Variants in CNTD1 observed in about 807,000 individuals in gnomAD.
CNTD1 encodes cyclin N-terminal domain-containing protein 1.
In CNTD1, 17 loss-of-function variants were observed where a neutral mutation model predicts 36.3. The ratio of observed to expected loss-of-function variants is 0.47; its 90% CI spans 0.32 to 0.70. The LOEUF is 0.70. Among genes scored for constraint, CNTD1 ranks in the 30% least tolerant of loss-of-function variants. The probability of loss-of-function intolerance (pLI) is 0.03; values close to 1 mark genes in which losing one functional copy is unlikely to be tolerated. For missense variants in CNTD1, 338 were observed against 386.1 expected, an observed-to-expected ratio of 0.88 and a Z score of 1.04; for synonymous variants, 128 against 153.3, an observed-to-expected ratio of 0.83 and a Z score of 1.22.
intron 6 of CNTD1, 73 bp downstream of exon 6, chr17:42,807,937 G>A: frequency 8.6e-7 from 1 of 1,167,586 alleles, no homozygotes; most frequent in Non-Finnish European, 1.3e-6. Context: ...TCAGTTAAAG[G>A]AAAACAGAGG....
intron 3 of CNTD1, 87 bp from the exon 4 acceptor site, chr17:42,805,635 G>T: frequency 8.7e-7 from 1 of 1,150,122 alleles, no homozygotes; most frequent in South Asian, 1.5e-5. Flanking sequence ...GAAGGAATAG[G>T]CTGGATTATG....
intron 1 of CNTD1, among the ~76,000 whole-genome samples, chr17:42,802,303 T>C (rs1195095851): frequency 6.6e-6 from 1 of 152,150 alleles, no homozygotes; most frequent in Non-Finnish European, 1.5e-5. Flanking sequence ...GATCTGAGTA[T>C]GCTTGTTATC....
In CNTD1 at chr17:42,810,728, C is replaced by A; in HGVS notation, c.*1193C>A. 6.4e-7 allele frequency: 1 copy of A among 1,568,480 alleles called. No individual in the cohort carries two copies. Among genetic ancestry groups the A allele is most frequent in the Non-Finnish European group, 8.6e-7 (1 of 1,158,070 alleles). On this transcript the variant is annotated 3_prime_UTR_variant, in exon 7 of 7. Transcript: ENST00000588408. ...TTGCAAACAAAACAAAATTAAAAGC[C>A]TTTAAGGCAAACCTCCCCCTAAGGA...
rs1597922125 is a variant in CNTD1, at chr17:42,809,904, C to G, written c.*369C>G. ...CCTTGACTAAGCATCAAGGAGGTAG[C>G]CTTTATTTCCCCTTAAAATTAGTTT... On this transcript the variant is annotated 3_prime_UTR_variant, in exon 7 of 7. Transcript: ENST00000588408. 1 of 157,928 alleles carries G rather than the reference C, an allele frequency of 6.3e-6. No homozygotes were observed. The highest frequency in any genetic ancestry group is 1.8e-4 in the East Asian group (1 of 5,582). 9.8% of individuals were successfully genotyped at this position (157,928 alleles called of 1,614,324 possible).
Position 42,811,033 on chromosome 17 carries a change from AGAACACT to A in CNTD1, c.*1499_*1505del. On this transcript the variant is annotated 3_prime_UTR_variant, in exon 7 of 7. Coordinates refer to ENST00000588408, the MANE Select transcript of CNTD1 (RefSeq NM_173478.3). The stretch of plus-strand genomic sequence containing the variant: ...CCATTCACGTCATTTTATCTATTAA[AGAACACT>A]TGGTGAGGAATGATAGTGTATTTTG... 8.3e-7 allele frequency: 1 copy of A among 1,201,882 alleles called. No individual in the cohort carries two copies. Among genetic ancestry groups the A allele is most frequent in the Non-Finnish European group, 1.1e-6 (1 of 883,886 alleles). 74.5% of individuals were successfully genotyped at this position (1,201,882 alleles called of 1,614,324 possible). A position where few individuals can be genotyped will look rare whatever the true frequency, so the allele number is the denominator to read the frequency against.
chr17:42,802,093 G>A (rs1366229444), intron 1 of CNTD1, among the ~76,000 whole-genome samples: 1 of 152,184 alleles, frequency 6.6e-6, no homozygotes, highest in Admixed American at 6.5e-5. Flanking sequence ...GAAGCAGTGG[G>A]TGTGTAAGCC....
chr17:42,806,989 C>G (rs897941938), intron 5 of CNTD1, among the ~76,000 whole-genome samples, 171 bp downstream of exon 5: 4 of 152,138 alleles, frequency 2.6e-5, no homozygotes, highest in African/African-American at 7.2e-5. Flanking sequence ...GGTGACTGAG[C>G]CTGGTCAGGA....
In CNTD1 at chr17:42,809,470, C is replaced by T; in HGVS notation, c.928C>T (p.Gln310Ter). Residue 310 changes from glutamine to a stop codon, truncating the protein, a stop_gained, in exon 7 of 7, where the codon CAG becomes TAG. Transcript: ENST00000588408. LOFTEE classifies it high-confidence loss of function. ...HGVGANTPGR[Q>*]QSIPPHLAAR... Reference sequence around the variant, plus strand: ...AGTGGGAGCCAACACTCCGGGGAGACAGCAGTCTATTCCTCCCCACCTGGC... The same window carrying T: ...AGTGGGAGCCAACACTCCGGGGAGATAGCAGTCTATTCCTCCCCACCTGGC... The T allele has an allele frequency of 6.2e-7, 1 of 1,614,148 alleles. No homozygotes were observed. Among genetic ancestry groups the T allele is most frequent in the South Asian group, 1.1e-5 (1 of 91,072 alleles).
intron 6 of CNTD1, among the ~76,000 whole-genome samples, chr17:42,808,665 T>C (rs2054925921): frequency 6.6e-6 from 1 of 151,746 alleles, no homozygotes; most frequent in Admixed American, 6.6e-5. Context: ...GCCCAGGAGT[T>C]GGAGGCTGCA....
Position 42,809,712 on chromosome 17 carries a change from T to C in CNTD1, c.*177T>C. On this transcript the variant is annotated 3_prime_UTR_variant, in exon 7 of 7. Coordinates refer to ENST00000588408, the MANE Select transcript of CNTD1 (RefSeq NM_173478.3). ...AGAGTTAAGGTGGACGAGCATGCCC[T>C]TTTTGTCATATCAGCCTGAAAATGT... 5.3e-6 allele frequency: 3 copies of C among 561,958 alleles called. No individual in the cohort carries two copies. Among genetic ancestry groups the C allele is most frequent in the Non-Finnish European group, 9.2e-6 (3 of 327,786 alleles). The allele number at this position is 561,958 out of a possible 1,614,324, so 34.8% of individuals were successfully genotyped here. A position where few individuals can be genotyped will look rare whatever the true frequency, so the allele number is the denominator to read the frequency against.
At position 42,806,940 on chromosome 17, in the gene CNTD1, A is replaced by G. The variant is rs183271421; in HGVS notation, c.725+122A>G. 22 of 851,382 alleles carry G rather than the reference A, an allele frequency of 2.6e-5. No homozygotes were observed. In the African/African-American group the frequency reaches 3.4e-4, roughly 13 times the overall value. 52.7% of individuals were successfully genotyped at this position (851,382 alleles called of 1,614,324 possible). On this transcript the variant is annotated intron_variant, in intron 5 of 6. Transcript: ENST00000588408. ...CAGTCCCAGATAACCTACTCAGGCTACCTGGTTCTCATTAGTTCCAATATG... is the reference window on the plus strand; with the variant it reads ...CAGTCCCAGATAACCTACTCAGGCTGCCTGGTTCTCATTAGTTCCAATATG...
chr17:42,803,757 C>T (rs907005189), intron 2 of CNTD1, 62 bp downstream of exon 2: 1 of 1,312,748 alleles, frequency 7.6e-7, no homozygotes, highest in Non-Finnish European at 1.1e-6. Context: ...GTACCTACAT[C>T]TTTAAGAAAG....
At position 42,805,896 on chromosome 17, in the gene CNTD1, T is replaced by C; in HGVS notation, c.580+12T>C. On this transcript the variant is annotated intron_variant, in intron 4 of 6. Coordinates refer to ENST00000588408, the MANE Select transcript of CNTD1 (RefSeq NM_173478.3). The stretch of plus-strand genomic sequence containing the variant: ...CCTAGAGGTTTTAGGTATCTTACTG[T>C]GTTAGGGAATATGGGTTGGAGACTT... The C allele has an allele frequency of 3.7e-6, 6 of 1,602,740 alleles. No homozygotes were observed. Among genetic ancestry groups the C allele is most frequent in the Non-Finnish European group, 1.7e-6 (2 of 1,174,796 alleles).
At chr17:42,808,096 A>C (rs1360604945) in intron 6 of CNTD1, among the ~76,000 whole-genome samples, 1 of 152,174 alleles carries the variant, frequency 6.6e-6, no homozygotes, top group East Asian at 1.9e-4. Context: ...ATTTCCCTTT[A>C]TAACGATAAC....
Position 42,810,627 on chromosome 17 carries a change from C to G in CNTD1, c.*1092C>G. On this transcript the variant is annotated 3_prime_UTR_variant, in exon 7 of 7. Transcript: ENST00000588408. Reference sequence around the variant, plus strand: ...CACATGATATTTTAAAATAAAGTGGCTTTTGTGGATTTTTTCTTTTTTGGT... The same window carrying G: ...CACATGATATTTTAAAATAAAGTGGGTTTTGTGGATTTTTTCTTTTTTGGT... The G allele has an allele frequency of 1.1e-6, 1 of 951,850 alleles. No homozygotes were observed. Among genetic ancestry groups the G allele is most frequent in the Non-Finnish European group, 1.5e-6 (1 of 677,952 alleles). The allele number at this position is 951,850 out of a possible 1,614,324, so 59.0% of individuals were successfully genotyped here.
intron 1 of CNTD1, among the ~76,000 whole-genome samples, chr17:42,802,309 T>C (rs1489531227): frequency 6.6e-6 from 1 of 152,102 alleles, no homozygotes; most frequent in African/African-American, 2.4e-5. Flanking sequence ...AGTATGCTTG[T>C]TATCGAGGAG....
Position 42,806,790 on chromosome 17 carries a change from G to A in CNTD1, c.697G>A (p.Glu233Lys). The change falls in exon 5 of 7, where the codon GAG becomes AAG. Residue 233 changes from glutamate (E) to lysine (K), a missense_variant. Transcript: ENST00000588408. ...TGAGAGCCTGTTGAGGGCTTCAATT[G>A]AGAACTCCACTCCCAGTCAGCTGCA... ...IYESLLRASI[E>K]NSTPSQLQGE... The A allele has an allele frequency of 6.2e-7, 1 of 1,614,140 alleles. No homozygotes were observed. Among genetic ancestry groups the A allele is most frequent in the Non-Finnish European group, 8.5e-7 (1 of 1,180,028 alleles).
At chr17:42,808,108 T>C (rs913848469) in intron 6 of CNTD1, among the ~76,000 whole-genome samples, 1 of 152,172 alleles carries the variant, frequency 6.6e-6, no homozygotes, top group Non-Finnish European at 1.5e-5. Context: ...AACGATAACC[T>C]GCTATTATGT....
chr17:42,807,188 G>T (rs1187438930), intron 5 of CNTD1, among the ~76,000 whole-genome samples: 1 of 152,088 alleles, frequency 6.6e-6, no homozygotes, highest in Non-Finnish European at 1.5e-5. Flanking sequence ...GGCTGAGGCG[G>T]GCAGATCACG....
Sources: allele counts gnomAD v4.1 joint callset (sites outside exome capture counted in the v4.1 genomes callset), GRCh38; gene constraint gnomAD v4.1.1; transcripts MANE v1.5; gene names NCBI Gene and HGNC (gene_info 2026-07-23, HGNC 2026-07-21).